Variants in CCDC7 observed in about 807,000 individuals in gnomAD.
CCDC7 encodes the protein coiled-coil domain-containing protein 7.
Under a neutral mutation model 196.9 loss-of-function variants are expected in CCDC7, and 183 were observed. The observed-to-expected ratio is 0.93, with a 90% CI of 0.82 to 1.05. The LOEUF is 1.05. CCDC7 is among the 50% of genes least tolerant of loss of function. CCDC7 has a pLI of 0.00. For missense variants in CCDC7, 1,540 were observed against 1,482.2 expected, an observed-to-expected ratio of 1.04 and a Z score of -0.64; for synonymous variants, 525 against 484.6, an observed-to-expected ratio of 1.08 and a Z score of -1.10.
chr10:32,633,734 A>C lies in CCDC7; in HGVS notation c.1802-520A>C, dbSNP rs867435581. Reference sequence around the variant, plus strand: ...TGTGTGTGTGTGTGTGTGTGTGTATATATATGTGTGTGTGTGTGTATATAT... The same window carrying C: ...TGTGTGTGTGTGTGTGTGTGTGTATCTATATGTGTGTGTGTGTGTATATAT... On this transcript the variant is annotated intron_variant, in intron 18 of 41. Transcript: ENST00000639629. Among the ~76,000 whole-genome samples, 3 of 125,534 alleles carry C rather than the reference A, an allele frequency of 2.4e-5. No individual in the cohort carries two copies. In the Admixed American group the frequency reaches 2.9e-4, roughly 12 times the overall value. The allele number at this position is 125,534 out of a possible 152,430, so 82.4% of individuals were successfully genotyped here. A position where few individuals can be genotyped will look rare whatever the true frequency, so the allele number is the denominator to read the frequency against.
chr10:32,667,390 A>G (rs889106404), intron 21 of CCDC7, among the ~76,000 whole-genome samples: 10 of 152,018 alleles, frequency 6.6e-5, no homozygotes, highest in Non-Finnish European at 1.5e-4. Flanking sequence ...CCCATTTGTC[A>G]ATTTTGGCTT....
chr10:32,735,523 G>A (rs1417165063), intron 28 of CCDC7, among the ~76,000 whole-genome samples: 1 of 151,858 alleles, frequency 6.6e-6, no homozygotes, highest in African/African-American at 2.4e-5. Context: ...ATCTTTTTTG[G>A]TATCTCTTCA....
intron 18 of CCDC7, chr10:32,623,623 A>T (rs12269551): frequency 2.2e-6 from 1 of 449,138 alleles, no homozygotes; most frequent in East Asian, 7.0e-5. Context: ...ACTCTGTCAG[A>T]TACTGCTTTA....
At chr10:32,477,231 A>G (rs1392558130) in intron 8 of CCDC7, among the ~76,000 whole-genome samples, 1 of 148,516 alleles carries the variant, frequency 6.7e-6, no homozygotes, top group Non-Finnish European at 1.5e-5. Context: ...TTTTTTTGAG[A>G]TGGAGTCTCG....
intron 2 of CCDC7, among the ~76,000 whole-genome samples, chr10:32,453,678 T>TA (rs1400681732): frequency 2.6e-5 from 4 of 152,132 alleles, no homozygotes; most frequent in African/African-American, 4.8e-5. Flanking sequence ...ATGACCAACA[T>TA]TTTAAAGATA....
At chr10:32,572,938 C>A (rs957873886) in intron 16 of CCDC7, among the ~76,000 whole-genome samples, 1 of 134,818 alleles carries the variant, frequency 7.4e-6, no homozygotes, top group African/African-American at 2.8e-5. Flanking sequence ...AGGGCAGTGG[C>A]ATGATCTCGG....
At chr10:32,852,874 G>T (rs1263271577) in intron 40 of CCDC7, among the ~76,000 whole-genome samples, 1 of 152,046 alleles carries the variant, frequency 6.6e-6, no homozygotes, top group Non-Finnish European at 1.5e-5. Flanking sequence ...TGAGCTAGAA[G>T]AAAAAATGGT....
chr10:32,609,963 A>T (rs2061923698), intron 18 of CCDC7, among the ~76,000 whole-genome samples: 1 of 151,736 alleles, frequency 6.6e-6, no homozygotes, highest in African/African-American at 2.4e-5. Flanking sequence ...GAACAAAGAG[A>T]TGTTTCATGT....
intron 41 of CCDC7, among the ~76,000 whole-genome samples, chr10:32,855,539 T>A (rs1372193730): frequency 6.6e-6 from 1 of 152,168 alleles, no homozygotes; most frequent in Non-Finnish European, 1.5e-5. Context: ...ACAACCTAGA[T>A]CCCTCTCATG....
intron 41 of CCDC7, among the ~76,000 whole-genome samples, chr10:32,858,908 T>C (rs2093865418): frequency 6.6e-6 from 1 of 151,800 alleles, no homozygotes; most frequent in African/African-American, 2.4e-5. Context: ...GAGCACCCAG[T>C]TTCATAAAAA....
chr10:32,858,381 T>G (rs1239380243), intron 41 of CCDC7, among the ~76,000 whole-genome samples: 1 of 152,146 alleles, frequency 6.6e-6, no homozygotes, highest in Non-Finnish European at 1.5e-5. Flanking sequence ...TGAACATTGA[T>G]GCAAAAATGC....
intron 20 of CCDC7, among the ~76,000 whole-genome samples, chr10:32,652,594 C>T (rs1056275462): frequency 3.3e-5 from 5 of 151,614 alleles, no homozygotes; most frequent in Non-Finnish European, 5.9e-5. Context: ...TTGTGGTTAC[C>T]GTGAGGCTTA....
chr10:32,713,564 A>G (rs2141957114), intron 25 of CCDC7, among the ~76,000 whole-genome samples: 1 of 152,374 alleles, frequency 6.6e-6, no homozygotes, highest in South Asian at 2.1e-4. Flanking sequence ...CTCAAGTCTC[A>G]AGATTCACTG....
At chr10:32,791,320 A>C (rs921508262) in intron 29 of CCDC7, among the ~76,000 whole-genome samples, 1 of 152,176 alleles carries the variant, frequency 6.6e-6, no homozygotes, top group African/African-American at 2.4e-5. Flanking sequence ...ACACAGGTAC[A>C]TAAGAATCAT....
chr10:32,593,225 T>C (rs1316911181), intron 18 of CCDC7, among the ~76,000 whole-genome samples: 1 of 152,234 alleles, frequency 6.6e-6, no homozygotes, highest in Non-Finnish European at 1.5e-5. Context: ...TTCCTGACTT[T>C]TTAATGATTG....
At chr10:32,798,111 A>C (rs543311923) in intron 29 of CCDC7, among the ~76,000 whole-genome samples, 1 of 152,358 alleles carries the variant, frequency 6.6e-6, no homozygotes, top group South Asian at 2.1e-4. Flanking sequence ...TGGCAGAATC[A>C]TTGTATGCAT....
downstream of CCDC7, chr10:32,876,598 A>G (rs934700181): frequency 1.2e-5 from 5 of 401,208 alleles, no homozygotes; most frequent in Non-Finnish European, 2.2e-5. Flanking sequence ...TGAAAGTTTC[A>G]AATTACTTTA....
At chr10:32,617,221 T>G (rs2062879213) in intron 18 of CCDC7, among the ~76,000 whole-genome samples, 1 of 151,896 alleles carries the variant, frequency 6.6e-6, no homozygotes. Flanking sequence ...CAATTTTCTT[T>G]ACCCTTTCAA....
At chr10:32,803,245 G>A (rs2095554) in intron 29 of CCDC7, among the ~76,000 whole-genome samples, 20,993 of 152,168 alleles carry the variant, frequency 0.14, 1,752 homozygotes, top group East Asian at 0.25. Context: ...TTCTGTAAAT[G>A]TCTGTTAGGT....
Sources: allele counts gnomAD v4.1 joint callset (sites outside exome capture counted in the v4.1 genomes callset), GRCh38; gene constraint gnomAD v4.1.1; transcripts MANE v1.5; gene names NCBI Gene and HGNC (gene_info 2026-07-23, HGNC 2026-07-21).